Variants in CARMIL1 observed in about 807,000 individuals in gnomAD.
The protein encoded by CARMIL1 is capping protein regulator and myosin 1 linker 1, also known as F-actin-uncapping protein LRRC16A.
A neutral mutation model predicts 177.1 loss-of-function variants in CARMIL1; 90 were observed. The observed-to-expected ratio is 0.51, with a 90% CI of 0.43 to 0.61. The LOEUF (loss-of-function observed/expected upper bound fraction) is 0.61, where lower values mean the gene tolerates loss of function less well. CARMIL1 is among the 20% of genes least tolerant of loss of function. The pLI is 0.00. For missense variants in CARMIL1, 1,380 were observed against 1,667.0 expected, an observed-to-expected ratio of 0.83 and a Z score of 3.00; for synonymous variants, 577 against 606.2, an observed-to-expected ratio of 0.95 and a Z score of 0.71.
At chr6:25,387,705 T>C (rs954016760) in intron 2 of CARMIL1, among the ~76,000 whole-genome samples, 18 of 152,190 alleles carry the variant, frequency 1.2e-4, no homozygotes, top group Non-Finnish European at 1.9e-4. Context: ...GAACTGAAAG[T>C]GCTTTGTTTT....
At chr6:25,546,666 CAACAAAAAAAAAA>C (rs1468214865) in intron 26 of CARMIL1, among the ~76,000 whole-genome samples, 43 of 43,388 alleles carry the variant, frequency 9.9e-4, no homozygotes, top group African/African-American at 3.9e-3. Flanking sequence ...ACAACAACAA[CAACAAAAAAAAAA>C]AAAAAAAAAA....
intron 2 of CARMIL1, among the ~76,000 whole-genome samples, chr6:25,343,475 A>G (rs1429615177): frequency 6.6e-6 from 1 of 152,010 alleles, no homozygotes; most frequent in Non-Finnish European, 1.5e-5. Context: ...TACTCCTGGC[A>G]AGGAACCTCT....
chr6:25,328,526 G>A (rs1785324031), intron 2 of CARMIL1, among the ~76,000 whole-genome samples: 2 of 152,090 alleles, frequency 1.3e-5, no homozygotes, highest in African/African-American at 4.8e-5. Flanking sequence ...TTTATTTACT[G>A]TTCCTTATAG....
At chr6:25,566,625 G>T (rs963164649) in intron 29 of CARMIL1, among the ~76,000 whole-genome samples, 5 of 152,216 alleles carry the variant, frequency 3.3e-5, no homozygotes, top group African/African-American at 1.2e-4. Flanking sequence ...ACTTGTGAAG[G>T]TATAAGCTTC....
chr6:25,492,089 A>T, intron 15 of CARMIL1, 65 bp downstream of exon 15: 1 of 1,399,272 alleles, frequency 7.1e-7, no homozygotes, highest in Non-Finnish European at 1.0e-6. Context: ...AGTTGTAGTG[A>T]TAAGGAAAAC....
chr6:25,506,745 A>T (rs1288649515), intron 17 of CARMIL1, among the ~76,000 whole-genome samples: 1 of 152,202 alleles, frequency 6.6e-6, no homozygotes, highest in East Asian at 1.9e-4. Context: ...AATTAATTTA[A>T]AAAAAATTAC....
intron 5 of CARMIL1, among the ~76,000 whole-genome samples, chr6:25,443,733 G>T (rs889495626): frequency 6.6e-6 from 1 of 152,140 alleles, no homozygotes; most frequent in Non-Finnish European, 1.5e-5. Flanking sequence ...AGAAGGTTTT[G>T]CTTGTGTGGA....
chr6:25,610,561 G>A lies in CARMIL1; in HGVS notation c.3979+380G>A, dbSNP rs146504949. 3.3e-4 allele frequency among the ~76,000 whole-genome samples: 50 copies of A among 152,140 alleles called. 1 individual carries two copies. The East Asian group carries it at 6.2e-3, about 19-fold the overall frequency. On this transcript the variant is annotated intron_variant, in intron 36 of 36. Transcript: ENST00000329474. ...TTTTCAATGAAATCTTTTCCTAGTC[G>A]TGGCAAATCAGTACTGCTATAGTTC...
intron 20 of CARMIL1, among the ~76,000 whole-genome samples, chr6:25,514,440 G>A (rs550052604): frequency 1.4e-4 from 21 of 151,680 alleles, no homozygotes; most frequent in Admixed American, 8.5e-4. Context: ...CCAGCTACTC[G>A]GTAGGCTGAG....
intron 8 of CARMIL1, among the ~76,000 whole-genome samples, chr6:25,455,363 A>C (rs1371613717): frequency 6.6e-6 from 1 of 152,124 alleles, no homozygotes; most frequent in Non-Finnish European, 1.5e-5. Flanking sequence ...TCCATTTGTA[A>C]CAGTCCTTAA....
chr6:25,358,302 G>T (rs1788837655), intron 2 of CARMIL1, among the ~76,000 whole-genome samples: 1 of 152,034 alleles, frequency 6.6e-6, no homozygotes, highest in African/African-American at 2.4e-5. Context: ...TTTTGTTTCT[G>T]GTCATATTAT....
chr6:25,493,203 G>A (rs1413981195), intron 15 of CARMIL1, among the ~76,000 whole-genome samples: 1 of 152,194 alleles, frequency 6.6e-6, no homozygotes, highest in Admixed American at 6.5e-5. Flanking sequence ...CTGGTCTTCA[G>A]TAGAGCTGTT....
At chr6:25,284,938 T>G (rs983222885) in intron 2 of CARMIL1, 29 bp downstream of exon 2, 2 of 1,314,448 alleles carry the variant, frequency 1.5e-6, no homozygotes. Context: ...TTTTATTAAA[T>G]GTTTGGAAAT....
At chr6:25,584,960 A>AT (rs1407377694) in intron 31 of CARMIL1, among the ~76,000 whole-genome samples, 2 of 152,230 alleles carry the variant, frequency 1.3e-5, no homozygotes, top group Non-Finnish European at 2.9e-5. Flanking sequence ...CAGGGTTGGC[A>AT]TACTCTAGGT....
intron 29 of CARMIL1, among the ~76,000 whole-genome samples, chr6:25,562,683 C>A (rs906479984): frequency 3.3e-5 from 5 of 152,158 alleles, no homozygotes; most frequent in Non-Finnish European, 7.4e-5. Flanking sequence ...CTTTGCCCTG[C>A]AGGTAACAGA....
Position 25,554,364 on chromosome 6 carries a change from C to T in CARMIL1, c.2592+268C>T, listed in dbSNP as rs1810420173. Among the ~76,000 whole-genome samples the T allele has an allele frequency of 6.6e-6, 1 of 152,058 alleles. No individual in the cohort carries two copies. The highest frequency in any genetic ancestry group is 1.5e-5 in the Non-Finnish European group (1 of 68,014). ...GTTCATTTATTATAAAGGTCAAAAG[C>T]TTGGGGAAGAAATGTTGAGACTGAA... On this transcript the variant is annotated intron_variant, in intron 28 of 36. Coordinates refer to ENST00000329474, the MANE Select transcript of CARMIL1 (RefSeq NM_017640.6). The surrounding 1 kb of genome is among the most constrained non-coding windows in gnomAD (Gnocchi z 4.6).
chr6:25,536,564 G>A (rs1465430963), intron 24 of CARMIL1, among the ~76,000 whole-genome samples: 2 of 152,068 alleles, frequency 1.3e-5, no homozygotes, highest in African/African-American at 4.8e-5. Flanking sequence ...AACAATAGGT[G>A]CTTGAGTGCT....
At chr6:25,450,456 A>G in intron 7 of CARMIL1, 47 bp downstream of exon 7, 2 of 1,460,454 alleles carry the variant, frequency 1.4e-6, no homozygotes, top group Non-Finnish European at 1.9e-6. Flanking sequence ...ACTCCTGGAG[A>G]ATATTCTAAT....
intron 2 of CARMIL1, among the ~76,000 whole-genome samples, chr6:25,293,265 GGTGTGTGTGTGTGTGT>G (rs57127326): frequency 1.5e-5 from 2 of 134,386 alleles, no homozygotes; most frequent in South Asian, 2.6e-4. Context: ...AAGGATGCTT[GGTGTGTGTGTGTGTGT>G]GTGTGTGTGT....
Sources: allele counts gnomAD v4.1 joint callset (sites outside exome capture counted in the v4.1 genomes callset), GRCh38; gene constraint gnomAD v4.1.1; non-coding constraint Gnocchi (gnomAD v3.1); transcripts MANE v1.5; gene names NCBI Gene and HGNC (gene_info 2026-07-23, HGNC 2026-07-21).